ADGRG5: variants seen among roughly 807,000 people sequenced by gnomAD.
ADGRG5 encodes the protein adhesion G protein-coupled receptor G5, also known as G protein-coupled receptor 114.
A neutral mutation model predicts 53.2 loss-of-function variants in ADGRG5; 37 were observed. That is an observed-to-expected ratio of 0.70 (90% confidence interval 0.53 to 0.91). The LOEUF is 0.91. Among genes scored for constraint, ADGRG5 ranks in the 40% least tolerant of loss-of-function variants. The pLI, the probability that ADGRG5 is intolerant of heterozygous loss-of-function variation, is 0.00. For synonymous variants in ADGRG5, 277 were observed against 290.4 expected (o/e 0.95, Z 0.47); for missense variants, 614 against 675.8 (o/e 0.91, Z 1.01).
At chr16:57,531,082 A>C in the ADGRG5 span, among the ~76,000 whole-genome samples, 5 of 151,310 alleles carry the variant, frequency 3.3e-5, no homozygotes, top group African/African-American at 4.9e-5. Context: ...TCCTCTCACG[A>C]TATCCCTGCC....
At chr16:57,567,065 C>T (rs2033153550) in intron 7 of ADGRG5, among the ~76,000 whole-genome samples, 1 of 152,204 alleles carries the variant, frequency 6.6e-6, no homozygotes, top group African/African-American at 2.4e-5. Flanking sequence ...GCAGCAGTTC[C>T]AGGCTCATGC....
At position 57,563,319 on chromosome 16, in the gene ADGRG5, G is replaced by A. The variant is rs570773597; in HGVS notation, c.297+72G>A. 114 of 1,395,722 alleles carry A rather than the reference G, an allele frequency of 8.2e-5. No homozygotes were observed. The African/African-American group carries it at 1.6e-3, about 19-fold the overall frequency. The allele number at this position is 1,395,722 out of a possible 1,614,324, so 86.5% of individuals were successfully genotyped here. A position where few individuals can be genotyped will look rare whatever the true frequency, so the allele number is the denominator to read the frequency against. ...AAGTCCTCCAGGCATTTAAGGTCTG[G>A]ACTTTCTTTAGGCTCCACTGTCTTC... is the stretch of plus-strand genomic sequence containing the variant. On this transcript the variant is annotated intron_variant, in intron 4 of 11. Coordinates refer to ENST00000349457, the MANE Select transcript of ADGRG5 (RefSeq NM_001304376.3).
chr16:57,529,758 C>T, the ADGRG5 span, among the ~76,000 whole-genome samples: 2,307 of 152,274 alleles, frequency 0.015, 64 homozygotes, highest in African/African-American at 0.053. This position sits in a 1 kb window ranked among gnomAD's most constrained non-coding sequence, Gnocchi z 4.1. Context: ...TCCTGGAGCA[C>T]TTCAGGCCAG....
chr16:57,572,685 C>T (rs537627629), intron 10 of ADGRG5, among the ~76,000 whole-genome samples: 5 of 152,308 alleles, frequency 3.3e-5, no homozygotes, highest in East Asian at 1.9e-4. Context: ...AGCGAGACTC[C>T]GTCTCAAAAA....
Position 57,574,440 on chromosome 16 carries a change from G to A in ADGRG5, c.1209-375G>A, listed in dbSNP as rs1376123680. Among the ~76,000 whole-genome samples the A allele has an allele frequency of 6.6e-6, 1 of 152,232 alleles. No individual in the cohort carries two copies. The highest frequency in any genetic ancestry group is 1.5e-5 in the Non-Finnish European group (1 of 68,044). On this transcript the variant is annotated intron_variant, in intron 10 of 11. Coordinates refer to ENST00000349457, the MANE Select transcript of ADGRG5 (RefSeq NM_001304376.3). This position sits in a 1 kb window ranked among gnomAD's most constrained non-coding sequence, Gnocchi z 4.4. ...GGTGGAAGGGGAAGTTTCCAGGAAA[G>A]AGGGCTCCGGGCCAAGGATCCAATA...
At chr16:57,570,614 TC>T in intron 10 of ADGRG5, 79 bp downstream of exon 10, 1 of 1,037,474 alleles carries the variant, frequency 9.6e-7, no homozygotes, top group Non-Finnish European at 1.5e-6. Context: ...AAATGGAATA[TC>T]CTGTAGGCAA....
At chr16:57,565,560 T>C in intron 6 of ADGRG5, 1 of 278,710 alleles carries the variant, frequency 3.6e-6, no homozygotes, top group Non-Finnish European at 6.6e-6. Flanking sequence ...AGACTTCCTT[T>C]CCCTCTTCCC....
chr16:57,538,666 G>C (rs1185073155), upstream of ADGRG5, among the ~76,000 whole-genome samples: 4 of 152,176 alleles, frequency 2.6e-5, no homozygotes, highest in Admixed American at 6.5e-5. Flanking sequence ...CCTCCCCAGT[G>C]GTCTCGGCAG....
the ADGRG5 span, among the ~76,000 whole-genome samples, chr16:57,529,597 G>A: frequency 6.6e-6 from 1 of 152,172 alleles, no homozygotes; most frequent in African/African-American, 2.4e-5. The surrounding 1 kb of genome is among the most constrained non-coding windows in gnomAD (Gnocchi z 4.1). Context: ...CACACTGATG[G>A]CTTATACTAT....
chr16:57,532,293 A>G, the ADGRG5 span, among the ~76,000 whole-genome samples: 1 of 152,126 alleles, frequency 6.6e-6, no homozygotes, highest in South Asian at 2.1e-4. Context: ...CATAAACACA[A>G]CATGTACACC....
intron 1 of ADGRG5, among the ~76,000 whole-genome samples, chr16:57,552,722 CTTT>C (rs1191670221): frequency 6.6e-6 from 1 of 152,208 alleles, no homozygotes; most frequent in African/African-American, 2.4e-5. Context: ...TCTTTAAGAG[CTTT>C]TCCTTTGCAT....
chr16:57,569,539 A>C (rs111209690), intron 9 of ADGRG5, among the ~76,000 whole-genome samples: 3 of 143,442 alleles, frequency 2.1e-5, no homozygotes, highest in African/African-American at 7.9e-5. Context: ...CATCTCCTCC[A>C]CCTCTATCAT....
chr16:57,540,916 G>A (rs59761947), upstream of ADGRG5, among the ~76,000 whole-genome samples: 3,300 of 152,168 alleles, frequency 0.022, 107 homozygotes, highest in African/African-American at 0.077. Flanking sequence ...TCAGTCTCCC[G>A]AGTACCTAGA....
intron 1 of ADGRG5, 90 bp downstream of exon 1, chr16:57,542,791 T>A (rs956300065): frequency 1.3e-5 from 2 of 152,376 alleles, no homozygotes; most frequent in African/African-American, 4.8e-5. Flanking sequence ...GCCATACCCA[T>A]GTCCAGGTGG....
At position 57,574,337 on chromosome 16, in the gene ADGRG5, G is replaced by T. The variant is rs779361384; in HGVS notation, c.1209-478G>T. Among the ~76,000 whole-genome samples the T allele has an allele frequency of 6.6e-6, 1 of 152,348 alleles. No individual in the cohort carries two copies. The highest frequency in any genetic ancestry group is 2.1e-4 in the South Asian group (1 of 4,828). On this transcript the variant is annotated intron_variant, in intron 10 of 11. Coordinates refer to ENST00000349457, the MANE Select transcript of ADGRG5 (RefSeq NM_001304376.3). The surrounding 1 kb of genome is among the most constrained non-coding windows in gnomAD (Gnocchi z 4.4). ...CTCCAGCGCAGGCCTTGGTGGCCCCGTCTAGGTGGGGAGTGGCTCCTGGGG... is the reference window on the plus strand; with the variant it reads ...CTCCAGCGCAGGCCTTGGTGGCCCCTTCTAGGTGGGGAGTGGCTCCTGGGG...
chr16:57,547,731 G>A (rs1326068332), intron 1 of ADGRG5, among the ~76,000 whole-genome samples: 2 of 152,108 alleles, frequency 1.3e-5, no homozygotes, highest in Non-Finnish European at 2.9e-5. Flanking sequence ...ACAGGCGTGA[G>A]CCACTGCGCC....
intron 1 of ADGRG5, among the ~76,000 whole-genome samples, chr16:57,556,748 T>C (rs1417208799): frequency 2.6e-5 from 4 of 152,174 alleles, no homozygotes; most frequent in Non-Finnish European, 5.9e-5. Flanking sequence ...TTTTGCCAGT[T>C]TCAATACTCT....
chr16:57,570,517 G>A lies in ADGRG5; in HGVS notation c.1190G>A (p.Gly397Asp), dbSNP rs147634705. 3 of 1,612,556 alleles carry A rather than the reference G, an allele frequency of 1.9e-6. No individual in the cohort carries two copies. In the African/African-American group the frequency reaches 4.0e-5, roughly 22 times the overall value. The change falls in exon 10 of 12, where the codon GGC becomes GAC. Residue 397 changes from glycine to aspartate, a missense_variant. Coordinates refer to ENST00000349457, the MANE Select transcript of ADGRG5 (RefSeq NM_001304376.3). ...PVFDSWENGT[G>D]FQNMSICWVR... ...TTCGACAGCTGGGAGAATGGCACAG[G>A]CTTCCAGAACATGTCCATGTGAGTG...
chr16:57,574,817 G>T lies in ADGRG5; in HGVS notation c.1211G>T (p.Cys404Phe). ...TGACACGTCACCCTCCCCTGCAGAT[G>T]CTGGGTGCGGAGCCCCGTGGTGCAC... ...NGTGFQNMSI[C>F]WVRSPVVHSV... Residue 404 changes from cysteine (C) to phenylalanine (F), a missense_variant and splice_region_variant, in exon 11 of 12, where the codon TGC becomes TTC. Physicochemically the swap from Cys to Phe is radical, Grantham distance 205. Coordinates refer to ENST00000349457, the MANE Select transcript of ADGRG5 (RefSeq NM_001304376.3). This position sits in a 1 kb window ranked among gnomAD's most constrained non-coding sequence, Gnocchi z 4.4. The T allele has an allele frequency of 6.4e-7, 1 of 1,569,042 alleles. No homozygotes were observed. The highest frequency in any genetic ancestry group is 8.7e-7 in the Non-Finnish European group (1 of 1,153,896).
Sources: gnomAD v4.1 joint callset for allele counts (sites outside exome capture counted in the v4.1 genomes callset) on GRCh38, gnomAD v4.1.1 for gene constraint, Gnocchi (gnomAD v3.1) non-coding constraint, MANE v1.5 for transcripts, NCBI Gene and HGNC (gene_info 2026-07-23, HGNC 2026-07-21) for gene names.